VPS13B: variants seen among roughly 807,000 people sequenced by gnomAD.
VPS13B encodes intermembrane lipid transfer protein VPS13B.
Under a neutral mutation model 426.4 loss-of-function variants are expected in VPS13B, and 285 were observed. That is an observed-to-expected ratio of 0.67 (90% confidence interval 0.61 to 0.74). The LOEUF (loss-of-function observed/expected upper bound fraction) is 0.74, where lower values mean the gene tolerates loss of function less well. Among genes scored for constraint, VPS13B ranks in the 30% least tolerant of loss-of-function variants. The probability of loss-of-function intolerance (pLI) is 0.00; values close to 1 mark genes in which losing one functional copy is unlikely to be tolerated. For synonymous variants in VPS13B, 1,676 were observed against 1,676.4 expected (o/e 1.00, Z 0.01); for missense variants, 4,537 against 4,782.6 (o/e 0.95, Z 1.51).
intron 17 of VPS13B, among the ~76,000 whole-genome samples, chr8:99,210,115 G>A (rs1480908435): frequency 6.6e-6 from 1 of 152,172 alleles, no homozygotes; most frequent in Non-Finnish European, 1.5e-5. Flanking sequence ...AATAAATTAT[G>A]TAGGGCTGGT....
intron 8 of VPS13B, among the ~76,000 whole-genome samples, chr8:99,128,295 G>A (rs1809544886): frequency 7.0e-6 from 1 of 143,762 alleles, no homozygotes; most frequent in Admixed American, 7.5e-5. Context: ...GCTGAAGCAG[G>A]AGAATTGCTT....
At chr8:99,722,701 G>T (rs564441716) in intron 39 of VPS13B, among the ~76,000 whole-genome samples, 2 of 152,052 alleles carry the variant, frequency 1.3e-5, no homozygotes, top group South Asian at 2.1e-4. Context: ...TAGAGATGGG[G>T]TTTCACCATG....
In VPS13B at chr8:99,287,218, GTATCTATCTGTCTGTCTATC is replaced by G. The variant is rs1357558428; in HGVS notation, c.2824+11974_2824+11993del. 3.2e-4 allele frequency among the ~76,000 whole-genome samples: 45 copies of G among 141,562 alleles called. 1 individual carries two copies. The highest frequency in any genetic ancestry group is 1.3e-3 in the East Asian group (6 of 4,534). The allele number at this position is 141,562 out of a possible 152,430, so 92.9% of individuals were successfully genotyped here. A position where few individuals can be genotyped will look rare whatever the true frequency, so the allele number is the denominator to read the frequency against. On this transcript the variant is annotated intron_variant, in intron 19 of 61. Transcript: ENST00000357162. ...GTATTAAGGAGATATATGTGTGTGTGTATCTATCTGTCTGTCTATCTATCTATCTATCTATCTATCTATCT... is the reference window on the plus strand; with the variant it reads ...GTATTAAGGAGATATATGTGTGTGTGTATCTATCTATCTATCTATCTATCT...
intron 39 of VPS13B, among the ~76,000 whole-genome samples, chr8:99,751,658 A>T (rs116950003): frequency 1.3e-5 from 2 of 152,306 alleles, no homozygotes; most frequent in Non-Finnish European, 2.9e-5. Flanking sequence ...CACATTTTTA[A>T]ACATACATTT....
At chr8:99,476,668 CT>C (rs907454994) in intron 24 of VPS13B, among the ~76,000 whole-genome samples, 17 of 152,048 alleles carry the variant, frequency 1.1e-4, no homozygotes, top group African/African-American at 4.1e-4. Context: ...AGAAGAACAT[CT>C]TTAAATTAGG....
At chr8:99,180,890 A>G (rs1588118967) in intron 16 of VPS13B, among the ~76,000 whole-genome samples, 1 of 152,196 alleles carries the variant, frequency 6.6e-6, no homozygotes, top group East Asian at 1.9e-4. Context: ...AGAATTAACC[A>G]TCTTTTTTGT....
chr8:99,394,164 A>G (rs974752481), intron 21 of VPS13B, among the ~76,000 whole-genome samples: 1 of 152,158 alleles, frequency 6.6e-6, no homozygotes, highest in Non-Finnish European at 1.5e-5. Context: ...TTTTTTAACT[A>G]CATGTTACAG....
chr8:99,301,930 A>G (rs1255490667), intron 19 of VPS13B, among the ~76,000 whole-genome samples: 1 of 152,192 alleles, frequency 6.6e-6, no homozygotes, highest in African/African-American at 2.4e-5. Context: ...CCCAGGCTAA[A>G]TAAAATGTTT....
At chr8:99,713,320 T>A (rs190360252) in intron 36 of VPS13B, among the ~76,000 whole-genome samples, 43 of 152,334 alleles carry the variant, frequency 2.8e-4, no homozygotes, top group African/African-American at 9.1e-4. Context: ...GGCTTTTTTT[T>A]AGTAGATAAT....
intron 19 of VPS13B, among the ~76,000 whole-genome samples, chr8:99,354,428 T>C (rs898817606): frequency 2.0e-5 from 3 of 151,596 alleles, no homozygotes; most frequent in Non-Finnish European, 4.4e-5. Context: ...TTTAATTTTC[T>C]ATAGATGTCT....
chr8:99,575,847 A>G, intron 32 of VPS13B, 63 bp downstream of exon 32: 4 of 1,542,412 alleles, frequency 2.6e-6, no homozygotes, highest in Non-Finnish European at 3.6e-6. Context: ...TTTGTATGTT[A>G]GGGATTGCCA....
At position 99,853,726 on chromosome 8, in the gene VPS13B, G is replaced by A. The variant is rs1260587896; in HGVS notation, c.10337G>A (p.Cys3446Tyr). 1.2e-6 allele frequency: 2 copies of A among 1,614,080 alleles called. No individual in the cohort carries two copies. The highest frequency in any genetic ancestry group is 1.7e-5 in the Admixed American group (1 of 60,006). The change falls in exon 56 of 62, where the codon TGC becomes TAC. Residue 3446 changes from cysteine to tyrosine, a missense_variant. This residue lies in a region of VPS13B where 4,311 missense variants were observed against 4,474.3 expected (regional missense o/e 0.96). Transcript: ENST00000357162. Reference sequence around the variant, plus strand: ...AATTTCCACTTTGCTGTCTTAGTCTGCCAGGGAGAAAAAGCAGAACCCATT... The same window carrying A: ...AATTTCCACTTTGCTGTCTTAGTCTACCAGGGAGAAAAAGCAGAACCCATT... ...KSNFHFAVLV[C>Y]QGEKAEPIQC...
At chr8:99,482,626 T>C (rs191603086) in intron 25 of VPS13B, among the ~76,000 whole-genome samples, 1 of 152,300 alleles carries the variant, frequency 6.6e-6, no homozygotes, top group East Asian at 1.9e-4. Flanking sequence ...TCTAAACTAG[T>C]GACAAACTCT....
intron 17 of VPS13B, among the ~76,000 whole-genome samples, chr8:99,225,550 CA>C (rs1283726667): frequency 3.3e-5 from 5 of 152,116 alleles, no homozygotes; most frequent in Non-Finnish European, 7.4e-5. Flanking sequence ...ATTTTCTAAT[CA>C]GAGCTAATGG....
intron 24 of VPS13B, among the ~76,000 whole-genome samples, chr8:99,479,028 T>C (rs1259570581): frequency 6.6e-6 from 1 of 152,136 alleles, no homozygotes; most frequent in Non-Finnish European, 1.5e-5. Flanking sequence ...TTTTTTCTTC[T>C]TCCTCTCTAC....
intron 12 of VPS13B, 46 bp from the exon 13 acceptor site, chr8:99,142,928 G>A (rs747373068): frequency 9.0e-6 from 14 of 1,553,718 alleles, no homozygotes; most frequent in Non-Finnish European, 1.2e-5. Context: ...ATATTTACTT[G>A]GTATATCCAA....
At chr8:99,122,518 C>A (rs989033106) in intron 8 of VPS13B, among the ~76,000 whole-genome samples, 1 of 152,040 alleles carries the variant, frequency 6.6e-6, no homozygotes, top group South Asian at 2.1e-4. Flanking sequence ...AGCTTTGATC[C>A]CCCATGTGTT....
rs186210550 is a variant in VPS13B, at chr8:99,806,571, A to G, written c.7942-2804A>G. ...GGGCAAAGAACATATCTCTTCCTCT[A>G]TATTTCCTCCATAGTGCCTAGCATA... On this transcript the variant is annotated intron_variant, in intron 43 of 61. Transcript: ENST00000357162. Among the ~76,000 whole-genome samples the G allele has an allele frequency of 5.3e-5, 8 of 152,252 alleles. No individual in the cohort carries two copies. In the East Asian group the frequency reaches 1.4e-3, roughly 26 times the overall value.
At chr8:99,362,504 A>G (rs1812626501) in intron 19 of VPS13B, among the ~76,000 whole-genome samples, 1 of 152,186 alleles carries the variant, frequency 6.6e-6, no homozygotes, top group Non-Finnish European at 1.5e-5. Flanking sequence ...AATTTAGTTA[A>G]TGATTGAATA....
Sources: gnomAD v4.1 joint callset for allele counts (sites outside exome capture counted in the v4.1 genomes callset) on GRCh38, gnomAD v4.1.1 for gene constraint, gnomAD v4.1.1 regional missense constraint, MANE v1.5 for transcripts, NCBI Gene and HGNC (gene_info 2026-07-23, HGNC 2026-07-21) for gene names.